PAQR3: variants seen among roughly 807,000 people sequenced by gnomAD.
The protein encoded by PAQR3 is progestin and adipoQ receptor family member 3.
PAQR3 carries 39 observed loss-of-function variants against 41.7 expected under a neutral mutation model. The observed-to-expected ratio is 0.93, with a 90% CI of 0.72 to 1.22. The LOEUF (loss-of-function observed/expected upper bound fraction) is 1.22. Among genes scored for constraint, PAQR3 ranks in the 50% most tolerant of loss-of-function variants. The pLI is 0.00. For missense variants in PAQR3, 366 were observed against 385.6 expected (o/e 0.95, Z 0.42); for synonymous variants, 140 against 140.6 (o/e 1.00, Z 0.03).
At chr4:78,921,841 T>G (rs1163219774) in intron 5 of PAQR3, 4 of 984,980 alleles carry the variant, frequency 4.1e-6, no homozygotes, top group Non-Finnish European at 4.8e-6. Context: ...ACTTAATTTT[T>G]TAGTTTCCAT....
intron 5 of PAQR3, chr4:78,922,127 A>C: frequency 9.7e-7 from 1 of 1,035,768 alleles, no homozygotes; most frequent in Non-Finnish European, 1.2e-6. Context: ...AAGTGATACA[A>C]AAATATATTT....
intron 11 of PAQR3, among the ~76,000 whole-genome samples, chr4:78,894,924 A>G (rs1395211762): frequency 6.6e-6 from 1 of 152,106 alleles, no homozygotes; most frequent in Non-Finnish European, 1.5e-5. Context: ...GAATAGGGAG[A>G]CCTAAGGAAA....
At position 78,919,086 on chromosome 4, in the gene PAQR3, C is replaced by T. The variant is rs557585792; in HGVS notation, c.*1453G>A. 129 of 984,950 alleles carry T rather than the reference C, an allele frequency of 1.3e-4. No individual in the cohort carries two copies. The South Asian group carries it at 5.3e-3, about 40-fold the overall frequency. The allele number at this position is 984,950 out of a possible 1,614,324, so 61.0% of individuals were successfully genotyped here. Reference sequence around the variant, plus strand: ...GGGAATTTATATTCCAAAAACACTACACTGGAAAAGAAACACAACATTTTA... The same window carrying T: ...GGGAATTTATATTCCAAAAACACTATACTGGAAAAGAAACACAACATTTTA... On this transcript the variant is annotated 3_prime_UTR_variant, in exon 6 of 6. Transcript: ENST00000512733.
intron 11 of PAQR3, among the ~76,000 whole-genome samples, chr4:78,900,164 G>T (rs1318812911): frequency 1.3e-5 from 2 of 152,130 alleles, no homozygotes; most frequent in African/African-American, 2.4e-5. Flanking sequence ...GGACCTTTAT[G>T]ATGATCTACT....
chr4:78,930,869 A>G (rs1433266605), intron 2 of PAQR3, among the ~76,000 whole-genome samples: 1 of 114,246 alleles, frequency 8.8e-6, no homozygotes, highest in East Asian at 2.7e-4. Context: ...TAGTCTATAC[A>G]CATGCACACA....
rs1734665953 is a variant in PAQR3, at chr4:78,912,113, T to C, written c.*8426A>G. ...TTTATGAATTTGAAAGAAAATTTGG[T>C]AGCTCTTTATAGCATTCATTCTTAA... is the stretch of plus-strand genomic sequence containing the variant. On this transcript the variant is annotated 3_prime_UTR_variant, in exon 6 of 6. Transcript: ENST00000512733. 1 of 1,208,722 alleles carries C rather than the reference T, an allele frequency of 8.3e-7. No homozygotes were observed. The highest frequency in any genetic ancestry group is 2.3e-5 in the East Asian group (1 of 42,698). 74.9% of individuals were successfully genotyped at this position (1,208,722 alleles called of 1,614,324 possible). A position where few individuals can be genotyped will look rare whatever the true frequency, so the allele number is the denominator to read the frequency against.
chr4:78,926,522 T>C lies in PAQR3; in HGVS notation c.701A>G (p.Gln234Arg). Reference protein sequence around the residue: ...LNGGIGAPIVQDFAPRVIVMY... With the variant: ...LNGGIGAPIVRDFAPRVIVMY... Reference sequence around the variant, plus strand: ...AAATATTAACTACACTCAACCTACCTGTACAATAGGAGCACCAATTCCTCC... The same window carrying C: ...AAATATTAACTACACTCAACCTACCCGTACAATAGGAGCACCAATTCCTCC... The change falls in exon 4 of 6, where the codon CAG becomes CGG. Residue 234 changes from glutamine (Q) to arginine (R), a missense_variant and splice_region_variant. Coordinates refer to ENST00000512733, the MANE Select transcript of PAQR3 (RefSeq NM_001040202.2). 1.2e-6 allele frequency: 2 copies of C among 1,607,676 alleles called. No homozygotes were observed. The highest frequency in any genetic ancestry group is 1.7e-6 in the Non-Finnish European group (2 of 1,175,308).
Position 78,921,698 on chromosome 4 carries a change from G to A in PAQR3, c.794-1017C>T. 3 of 985,030 alleles carry A rather than the reference G, an allele frequency of 3.0e-6. No individual in the cohort carries two copies. In the South Asian group the frequency reaches 1.4e-4, roughly 46 times the overall value. 61.0% of individuals were successfully genotyped at this position (985,030 alleles called of 1,614,324 possible). ...GTATACATTTTTAAACATTCAACCT[G>A]AGCTGAATGAAAGCTTTTAGTTTAA... On this transcript the variant is annotated intron_variant, in intron 5 of 5. Coordinates refer to ENST00000512733, the MANE Select transcript of PAQR3 (RefSeq NM_001040202.2).
At chr4:78,924,214 A>G (rs1454671728) in intron 4 of PAQR3, among the ~76,000 whole-genome samples, 5 of 152,142 alleles carry the variant, frequency 3.3e-5, no homozygotes, top group Non-Finnish European at 7.4e-5. Context: ...CAATGTAGGT[A>G]TATGTGTAGA....
Position 78,939,183 on chromosome 4 carries a change from C to T in PAQR3, c.42G>A (p.Leu14=). 6.2e-7 allele frequency: 1 copy of T among 1,610,504 alleles called. No homozygotes were observed. Among genetic ancestry groups the T allele is most frequent in the Non-Finnish European group, 8.5e-7 (1 of 1,178,468 alleles). ...GGACCGGCCAGTACTGGTAGCTGCC[C>T]AGCTCGATGTAATGCGCGCTCTTCA... ...KLLKSAHYIE[L]GSYQYWPVLV... is the part of the protein sequence containing the mutation. The change falls in exon 1 of 6, where the codon CTG becomes CTA. Residue 14 remains leucine, a synonymous_variant. Transcript: ENST00000512733.
Position 78,930,177 on chromosome 4 carries a change from C to G in PAQR3, c.497G>C (p.Cys166Ser). The change falls in exon 3 of 6, where the codon TGT (cysteine) becomes TCT (serine). Residue 166 changes from cysteine (C) to serine (S), a missense_variant. Cys to Ser is a moderately radical substitution (Grantham distance 112). Transcript: ENST00000512733. ...YVSGVFYAFY[C>S]NNYWRQVYLI... ...ATGTTTTCATCTACTTACGTTATTA[C>G]AATAAAATGCGTAAAATACTCCTGA... 6.2e-7 allele frequency: 1 copy of G among 1,608,854 alleles called. No individual in the cohort carries two copies. Among genetic ancestry groups the G allele is most frequent in the Non-Finnish European group, 8.5e-7 (1 of 1,178,478 alleles).
intron 11 of PAQR3, among the ~76,000 whole-genome samples, chr4:78,889,834 G>C (rs980378279): frequency 1.3e-5 from 2 of 152,148 alleles, no homozygotes; most frequent in Admixed American, 1.3e-4. Context: ...TTAATTTTTA[G>C]TAAACCATAT....
At chr4:78,935,689 T>C (rs1352835911) in intron 1 of PAQR3, among the ~76,000 whole-genome samples, 2 of 152,238 alleles carry the variant, frequency 1.3e-5, no homozygotes, top group African/African-American at 4.8e-5. Context: ...AGAGGAAATC[T>C]GGATGTTAAC....
rs1735072955 is a variant in PAQR3 at position 78,916,373 on chromosome 4, C to T, written c.*4166G>A. 1.3e-5 allele frequency: 2 copies of T among 151,866 alleles called. No homozygotes were observed. The highest frequency in any genetic ancestry group is 4.1e-4 in the South Asian group (2 of 4,826). 9.4% of individuals were successfully genotyped at this position (151,866 alleles called of 1,614,324 possible). A position where few individuals can be genotyped will look rare whatever the true frequency, so the allele number is the denominator to read the frequency against. On this transcript the variant is annotated 3_prime_UTR_variant, in exon 6 of 6. Coordinates refer to ENST00000512733, the MANE Select transcript of PAQR3 (RefSeq NM_001040202.2). ...ATTGCATATTCTTTATAATCAGTGA[C>T]TTTGGAGTTTTTCATTATTTGTCTT...
At chr4:78,936,137 T>C (rs1737407810) in intron 1 of PAQR3, among the ~76,000 whole-genome samples, 1 of 152,218 alleles carries the variant, frequency 6.6e-6, no homozygotes, top group African/African-American at 2.4e-5. Context: ...TGGAGCTTCA[T>C]TAGATGCTGC....
intron 11 of PAQR3, among the ~76,000 whole-genome samples, chr4:78,893,928 A>G (rs1471305014): frequency 5.3e-5 from 8 of 152,224 alleles, no homozygotes; most frequent in Admixed American, 5.2e-4. Context: ...TTATTTTAGC[A>G]GGCATGAAAA....
rs991563950 is a variant in PAQR3, at chr4:78,917,791, G to A, written c.*2748C>T. 4.6e-5 allele frequency: 45 copies of A among 983,692 alleles called. No individual in the cohort carries two copies. Among genetic ancestry groups the A allele is most frequent in the Non-Finnish European group, 5.4e-5 (45 of 828,274 alleles). 60.9% of individuals were successfully genotyped at this position (983,692 alleles called of 1,614,324 possible). A position where few individuals can be genotyped will look rare whatever the true frequency, so the allele number is the denominator to read the frequency against. On this transcript the variant is annotated 3_prime_UTR_variant, in exon 6 of 6. Coordinates refer to ENST00000512733, the MANE Select transcript of PAQR3 (RefSeq NM_001040202.2). ...AAATGGAGAGTTGTACAGTTTTACG[G>A]AAGTCAATCACAATCTTCAAATCGG... is the stretch of plus-strand genomic sequence containing the variant.
intron 11 of PAQR3, among the ~76,000 whole-genome samples, chr4:78,902,176 G>T (rs1734040951): frequency 6.6e-6 from 1 of 152,084 alleles, no homozygotes; most frequent in Non-Finnish European, 1.5e-5. Flanking sequence ...AGAAAATGAG[G>T]CTCAGAAAGG....
chr4:78,909,314 G>A (rs2110107297), downstream of PAQR3, among the ~76,000 whole-genome samples: 1 of 151,954 alleles, frequency 6.6e-6, no homozygotes, highest in East Asian at 1.9e-4. Context: ...GGGATTACAG[G>A]GGTGAGCCAC....
Sources: allele counts gnomAD v4.1 joint callset (sites outside exome capture counted in the v4.1 genomes callset), GRCh38; gene constraint gnomAD v4.1.1; transcripts MANE v1.5; gene names NCBI Gene and HGNC (gene_info 2026-07-23, HGNC 2026-07-21).